The following ADAMTSL1 variants were observed in gnomAD, a reference collection of about 807,000 sequenced individuals.
ADAMTSL1 encodes the protein ADAMTS like 1.
A neutral mutation model predicts 201.8 loss-of-function variants in ADAMTSL1; 126 were observed. That is an observed-to-expected ratio of 0.62 (90% CI 0.54 to 0.72). ADAMTSL1 has a LOEUF of 0.72. Ranked by LOEUF, ADAMTSL1 falls within the 30% of genes least tolerant of loss-of-function variation. ADAMTSL1 has a pLI of 0.00. For missense variants in ADAMTSL1, 2,679 were observed against 2,277.8 expected, an observed-to-expected ratio of 1.18 and a Z score of -3.59; for synonymous variants, 1,121 against 903.4, an observed-to-expected ratio of 1.24 and a Z score of -4.32.
intron 23 of ADAMTSL1, among the ~76,000 whole-genome samples, chr9:18,841,505 G>T (rs958872942): frequency 1.4e-4 from 22 of 151,932 alleles, no homozygotes; most frequent in African/African-American, 5.3e-4. Context: ...TCTCTCTTTT[G>T]GTTGTGTCTC....
chr9:17,941,033 T>A lies in ADAMTSL1; in HGVS notation c.87+34111T>A, dbSNP rs561559076. Among the ~76,000 whole-genome samples the A allele has an allele frequency of 3.5e-5, 5 of 143,850 alleles. No individual in the cohort carries two copies. The South Asian group carries it at 6.4e-4, about 18-fold the overall frequency. 94.4% of individuals were successfully genotyped at this position (143,850 alleles called of 152,430 possible). On this transcript the variant is annotated intron_variant, in intron 1 of 29. Coordinates refer to the ADAMTSL1 transcript ENST00000680146. ...AGGTTTTGATGCTGACTCTTTGTTT[T>A]TTAATAAGAGTCTTTTTATTTTAGG...
At chr9:18,216,130 T>A (rs1830047971) in intron 2 of ADAMTSL1, among the ~76,000 whole-genome samples, 1 of 152,202 alleles carries the variant, frequency 6.6e-6, no homozygotes, top group South Asian at 2.1e-4. Flanking sequence ...AATAAGAGAA[T>A]CCTCAATGCA....
At chr9:17,971,861 T>G (rs1360228) in intron 1 of ADAMTSL1, among the ~76,000 whole-genome samples, 1 of 151,756 alleles carries the variant, frequency 6.6e-6, no homozygotes, top group Non-Finnish European at 1.5e-5. Flanking sequence ...TATCATGTGC[T>G]TATTTTTCTT....
intron 21 of ADAMTSL1, among the ~76,000 whole-genome samples, chr9:18,818,743 G>T (rs928537490): frequency 5.9e-5 from 9 of 152,014 alleles, no homozygotes; most frequent in African/African-American, 2.2e-4. Context: ...TGAGCCATGG[G>T]CATGCCACAG....
chr9:18,507,215 A>C (rs1217443536), intron 2 of ADAMTSL1, among the ~76,000 whole-genome samples: 6 of 152,206 alleles, frequency 3.9e-5, no homozygotes, highest in Non-Finnish European at 1.5e-5. Context: ...TAGCTGTTCA[A>C]TCTGAGATTC....
chr9:18,498,633 T>C (rs1822664535), intron 1 of ADAMTSL1, among the ~76,000 whole-genome samples: 1 of 152,120 alleles, frequency 6.6e-6, no homozygotes, highest in Non-Finnish European at 1.5e-5. Flanking sequence ...CCGGCCAATG[T>C]TCCCATTTTA....
chr9:17,913,126 G>T (rs1825956564), intron 1 of ADAMTSL1, among the ~76,000 whole-genome samples: 1 of 152,122 alleles, frequency 6.6e-6, no homozygotes, highest in Non-Finnish European at 1.5e-5. Flanking sequence ...AAGTCAGGTA[G>T]CGTGATACCT....
intron 4 of ADAMTSL1, among the ~76,000 whole-genome samples, chr9:18,616,861 T>G (rs1016167851): frequency 1.3e-5 from 2 of 152,184 alleles, no homozygotes; most frequent in Non-Finnish European, 2.9e-5. Context: ...CATAAGCAAA[T>G]TAATGAATAT....
At chr9:18,568,396 A>G (rs1342132615) in intron 3 of ADAMTSL1, among the ~76,000 whole-genome samples, 1 of 152,202 alleles carries the variant, frequency 6.6e-6, no homozygotes, top group African/African-American at 2.4e-5. Flanking sequence ...ATTTTCCAGA[A>G]CATTTATCCA....
chr9:18,118,653 T>C (rs1195582151), intron 1 of ADAMTSL1, among the ~76,000 whole-genome samples: 1 of 152,144 alleles, frequency 6.6e-6, no homozygotes, highest in African/African-American at 2.4e-5. Flanking sequence ...ATTAGAATCA[T>C]AGAATGCAGA....
intron 17 of ADAMTSL1, among the ~76,000 whole-genome samples, chr9:18,775,215 A>G (rs1563788454): frequency 1.3e-5 from 2 of 152,200 alleles, no homozygotes; most frequent in Admixed American, 6.5e-5. Context: ...ATTCTTGCAC[A>G]TCTTTTCTTC....
intron 15 of ADAMTSL1, among the ~76,000 whole-genome samples, chr9:18,739,106 G>C (rs1818677574): frequency 6.6e-6 from 1 of 152,298 alleles, no homozygotes; most frequent in Admixed American, 6.5e-5. Context: ...TCTTAGGGTT[G>C]CCATGAGGAT....
intron 1 of ADAMTSL1, among the ~76,000 whole-genome samples, chr9:17,948,507 A>T (rs556383162): frequency 6.6e-6 from 1 of 152,302 alleles, no homozygotes; most frequent in South Asian, 2.1e-4. Context: ...ACTTTATTTT[A>T]TTAGGGAGTG....
intron 19 of ADAMTSL1, 117 bp downstream of exon 19, chr9:18,778,023 C>T (rs957210562): frequency 1.6e-5 from 21 of 1,345,422 alleles, no homozygotes; most frequent in East Asian, 2.5e-5. Flanking sequence ...GAGCTGGCCT[C>T]GGGGACCCCA....
chr9:18,567,921 T>C (rs1822030598), intron 3 of ADAMTSL1, among the ~76,000 whole-genome samples: 1 of 152,242 alleles, frequency 6.6e-6, no homozygotes, highest in South Asian at 2.1e-4. Flanking sequence ...TAAAAACCTC[T>C]ATTGTACTAT....
intron 1 of ADAMTSL1, among the ~76,000 whole-genome samples, chr9:18,111,621 A>C (rs1465867783): frequency 6.6e-6 from 1 of 152,212 alleles, no homozygotes; most frequent in Non-Finnish European, 1.5e-5. Flanking sequence ...TGCACAAGAC[A>C]TTTTGGAGTC....
chr9:18,349,247 T>C (rs1340635051), intron 2 of ADAMTSL1, among the ~76,000 whole-genome samples: 1 of 152,096 alleles, frequency 6.6e-6, no homozygotes, highest in East Asian at 1.9e-4. Context: ...TATACATGGG[T>C]GAACTTGGAA....
intron 4 of ADAMTSL1, among the ~76,000 whole-genome samples, chr9:18,609,030 A>C (rs1276946680): frequency 6.6e-6 from 1 of 152,198 alleles, no homozygotes; most frequent in Non-Finnish European, 1.5e-5. Context: ...TCATATGGGC[A>C]GGAACTCCAA....
chr9:18,005,263 A>G (rs910606084), intron 1 of ADAMTSL1, among the ~76,000 whole-genome samples: 1 of 152,066 alleles, frequency 6.6e-6, no homozygotes, highest in Non-Finnish European at 1.5e-5. Context: ...GAGACCTAGA[A>G]AACACTTCAA....
Sources: allele counts gnomAD v4.1 joint callset (sites outside exome capture counted in the v4.1 genomes callset), GRCh38; gene constraint gnomAD v4.1.1; transcripts MANE v1.5; gene names NCBI Gene and HGNC (gene_info 2026-07-23, HGNC 2026-07-21).